NUAK2: variants seen among roughly 807,000 people sequenced by gnomAD.
NUAK2 encodes the protein NUAK family SNF1-like kinase 2.
In NUAK2, 20 loss-of-function variants were observed where a neutral mutation model predicts 29.8. That is an observed-to-expected ratio of 0.67 (90% confidence interval 0.47 to 0.98). The LOEUF is 0.98. NUAK2 is among the 50% of genes least tolerant of loss of function. The pLI, the probability that NUAK2 is intolerant of heterozygous loss-of-function variation, is 0.00. For synonymous variants in NUAK2, 331 were observed against 342.6 expected, an observed-to-expected ratio of 0.97 and a Z score of 0.37; for missense variants, 719 against 834.5, an observed-to-expected ratio of 0.86 and a Z score of 1.71.
At position 205,308,773 on chromosome 1, in the gene NUAK2, T is replaced by C; in HGVS notation, c.353-41A>G. ...CAAGGAACGTCAGGCCCTCCCAGAG[T>C]GCACTGCTCTCCACTGGGGGTGACT... On this transcript the variant is annotated intron_variant, in intron 2 of 6. Coordinates refer to ENST00000367157, the MANE Select transcript of NUAK2 (RefSeq NM_030952.3). This position sits in a 1 kb window ranked among gnomAD's most constrained non-coding sequence, Gnocchi z 4.1. The C allele has an allele frequency of 1.2e-6, 2 of 1,605,522 alleles. No homozygotes were observed. The highest frequency in any genetic ancestry group is 1.3e-5 in the African/African-American group (1 of 74,808).
intron 4 of NUAK2, among the ~76,000 whole-genome samples, chr1:205,306,792 T>C (rs1357800368): frequency 1.3e-5 from 2 of 151,998 alleles, no homozygotes; most frequent in African/African-American, 4.8e-5. Context: ...TCTAATGATG[T>C]TTAGTGATGG....
chr1:205,321,550 G>A lies in NUAK2; in HGVS notation c.79C>T (p.Leu27=). 6.2e-7 allele frequency: 1 copy of A among 1,613,768 alleles called. No individual in the cohort carries two copies. Among genetic ancestry groups the A allele is most frequent in the Non-Finnish European group, 8.5e-7 (1 of 1,179,900 alleles). ...ATTAGGGGCTTGGGCGACTTGATCA[G>A]CCCTTCCGCCAGCGGCCGGGCTAGC... is the stretch of plus-strand genomic sequence containing the variant. ...AELARPLAEG[L]IKSPKPLMKK... Residue 27 remains leucine (L), a synonymous_variant, in exon 1 of 7, where the codon CTG becomes TTG. Transcript: ENST00000367157.
intron 1 of NUAK2, among the ~76,000 whole-genome samples, chr1:205,319,224 G>T (rs1313464075): frequency 6.6e-6 from 1 of 152,216 alleles, no homozygotes; most frequent in Non-Finnish European, 1.5e-5. Flanking sequence ...GAACTGGGTG[G>T]TCTATGGATC....
Position 205,303,314 on chromosome 1 carries a change from A to G in NUAK2, c.*136T>C, listed in dbSNP as rs929403009. ...CTACTTCCCATATCCAGCCCTGCTC[A>G]GGGCTCCACTGCAAACCCTCTCAGC... On this transcript the variant is annotated 3_prime_UTR_variant, in exon 7 of 7. Coordinates refer to ENST00000367157, the MANE Select transcript of NUAK2 (RefSeq NM_030952.3). The G allele has an allele frequency of 5.8e-6, 4 of 687,098 alleles. No individual in the cohort carries two copies. The highest frequency in any genetic ancestry group is 9.4e-6 in the Non-Finnish European group (4 of 427,400). 42.6% of individuals were successfully genotyped at this position (687,098 alleles called of 1,614,324 possible).
At position 205,321,502 on chromosome 1, in the gene NUAK2, G is replaced by T. The variant is rs760370614; in HGVS notation, c.127C>A (p.His43Asn). Residue 43 changes from histidine (H) to asparagine (N), a missense_variant, in exon 1 of 7, where the codon CAC (histidine) becomes AAC (asparagine). His to Asn is a moderately conservative substitution (Grantham distance 68). Around this residue, in one of 3 missense-constraint regions of NUAK2, gnomAD observed 283 missense variants for 345.6 expected, o/e 0.82. Coordinates refer to ENST00000367157, the MANE Select transcript of NUAK2 (RefSeq NM_030952.3). ...PLMKKQAVKR[H>N]HHKHNLRHRY... is the part of the protein sequence containing the mutation. ...TGCCGCAGGTTGTGCTTGTGGTGGT[G>T]CCGCTTCACCGCCTGCTTCTTCATT... 22 of 1,613,896 alleles carry T rather than the reference G, an allele frequency of 1.4e-5. No homozygotes were observed. Among genetic ancestry groups the T allele is most frequent in the South Asian group, 2.2e-5 (2 of 91,082 alleles).
At position 205,303,781 on chromosome 1, in the gene NUAK2, G is replaced by A. The variant is rs749927931; in HGVS notation, c.1556C>T (p.Thr519Ile). The change falls in exon 7 of 7, where the codon ACC (threonine) becomes ATC (isoleucine). Residue 519 changes from threonine (T) to isoleucine (I), a missense_variant. Physicochemically the swap from Thr to Ile is moderately conservative, Grantham distance 89. This residue lies in a region of NUAK2 where 430 missense variants were observed against 465.7 expected (regional missense o/e 0.92). Transcript: ENST00000367157. Reference protein sequence around the residue: ...SQTALELAAPTTFGSLDELAP... With the variant: ...SQTALELAAPITFGSLDELAP... ...GAGTTCATCCAGGGAGCCGAAGGTG[G>A]TGGGGGCCGCGAGCTCCAAGGCTGT... The A allele has an allele frequency of 6.4e-6, 10 of 1,560,186 alleles. No homozygotes were observed. The highest frequency in any genetic ancestry group is 2.4e-5 in the South Asian group (2 of 81,844).
rs1231978677 is a variant in NUAK2 at position 205,305,232 on chromosome 1, T to C, written c.790A>G (p.Asn264Asp). The change falls in exon 6 of 7, where the codon AAC (asparagine) becomes GAC (aspartate). Residue 264 changes from asparagine (N) to aspartate (D), a missense_variant. Coordinates refer to ENST00000367157, the MANE Select transcript of NUAK2 (RefSeq NM_030952.3). The stretch of plus-strand genomic sequence containing the variant: ...TTAGGTGGCTCCCGGTAGGCCCCGT[T>C]GCTGATCTGTTTCACTAGGATCTTA... ...DHKILVKQISNGAYREPPKPS... is the reference protein window; with the variant it reads ...DHKILVKQISDGAYREPPKPS... The C allele has an allele frequency of 6.2e-7, 1 of 1,614,092 alleles. No homozygotes were observed. The highest frequency in any genetic ancestry group is 1.7e-5 in the Admixed American group (1 of 60,006).
chr1:205,314,512 T>A (rs1445591181), intron 1 of NUAK2, among the ~76,000 whole-genome samples: 1 of 152,216 alleles, frequency 6.6e-6, no homozygotes, highest in Non-Finnish European at 1.5e-5. Context: ...TGAATCCTCC[T>A]TTAACTAGGA....
In NUAK2 at chr1:205,303,201, G is replaced by A. The variant is rs569713665; in HGVS notation, c.*249C>T. The A allele has an allele frequency of 3.5e-5, 12 of 343,212 alleles. No individual in the cohort carries two copies. In the South Asian group the frequency reaches 6.3e-4, roughly 18 times the overall value. 21.3% of individuals were successfully genotyped at this position (343,212 alleles called of 1,614,324 possible). A position where few individuals can be genotyped will look rare whatever the true frequency, so the allele number is the denominator to read the frequency against. ...AGAAACAGGCAATGTGGACTCTGTC[G>A]CGGGCATTCCCGTTCCCCTCTCTTT... On this transcript the variant is annotated 3_prime_UTR_variant, in exon 7 of 7. Transcript: ENST00000367157.
Position 205,321,660 on chromosome 1 carries a change from GA to G in NUAK2, c.-33del, listed in dbSNP as rs773260584. ...CAGGAGGTGAGCAAGGGCGGCAGGG[GA>G]ATCAGTAGGCTGTGCGGGGAGGGCT... On this transcript the variant is annotated 5_prime_UTR_variant, in exon 1 of 7. Coordinates refer to ENST00000367157, the MANE Select transcript of NUAK2 (RefSeq NM_030952.3). 27 of 1,575,800 alleles carry G rather than the reference GA, an allele frequency of 1.7e-5. No individual in the cohort carries two copies. The Middle Eastern group carries it at 6.6e-4, about 39-fold the overall frequency.
intron 2 of NUAK2, among the ~76,000 whole-genome samples, chr1:205,309,618 G>A (rs999916028): frequency 2.6e-5 from 4 of 152,178 alleles, no homozygotes; most frequent in Admixed American, 6.5e-5. Context: ...GAGCCACCGC[G>A]CCTGGCCACA....
rs947257247 is a variant in NUAK2, at chr1:205,308,305, G to A, written c.505-75C>T. On this transcript the variant is annotated intron_variant, in intron 3 of 6. Transcript: ENST00000367157. This position sits in a 1 kb window ranked among gnomAD's most constrained non-coding sequence, Gnocchi z 4.1. ...TGATGAGGGGCCCAGTCTGGAGACT[G>A]AGGTAAACACAAAGGGAGCCAAGTG... The A allele has an allele frequency of 1.4e-4, 162 of 1,161,702 alleles. 1 individual carries two copies. In the South Asian group the frequency reaches 2.3e-3, roughly 16 times the overall value. The allele number at this position is 1,161,702 out of a possible 1,614,324, so 72.0% of individuals were successfully genotyped here.
intron 2 of NUAK2, among the ~76,000 whole-genome samples, chr1:205,310,574 T>C (rs1662243332): frequency 6.6e-6 from 1 of 151,966 alleles, no homozygotes; most frequent in African/African-American, 2.4e-5. Context: ...TAAGGCACAA[T>C]TCACACACAC....
intron 5 of NUAK2, 80 bp from the exon 6 acceptor site, chr1:205,305,411 C>A (rs1305111987): frequency 1.4e-5 from 22 of 1,537,700 alleles, no homozygotes; most frequent in Non-Finnish European, 1.8e-5. Context: ...CAGAGGCCAG[C>A]ACACCTGAGG....
intron 1 of NUAK2, 117 bp from the exon 2 acceptor site, chr1:205,311,942 G>T: frequency 7.6e-7 from 1 of 1,318,694 alleles, no homozygotes; most frequent in Non-Finnish European, 1.1e-6. Flanking sequence ...ACCCATAGAA[G>T]CCACTCCATC....
chr1:205,321,466 A>T lies in NUAK2; in HGVS notation c.163T>A (p.Phe55Ile), dbSNP rs761609957. 4 of 1,613,844 alleles carry T rather than the reference A, an allele frequency of 2.5e-6. No individual in the cohort carries two copies. The highest frequency in any genetic ancestry group is 1.7e-5 in the Admixed American group (1 of 60,010). Residue 55 changes from phenylalanine to isoleucine, a missense_variant, in exon 1 of 7, where the codon TTC becomes ATC. Coordinates refer to ENST00000367157, the MANE Select transcript of NUAK2 (RefSeq NM_030952.3). ...GTGCCTTTGCCCAGGGTCTCCAGGA[A>T]CTCGTAGCGGTGCCGCAGGTTGTGC... ...HKHNLRHRYE[F>I]LETLGKGTYG...
intron 1 of NUAK2, among the ~76,000 whole-genome samples, chr1:205,320,770 A>C (rs958370100): frequency 6.6e-6 from 1 of 152,192 alleles, no homozygotes; most frequent in Admixed American, 6.5e-5. Flanking sequence ...TGTTCTTGAA[A>C]AGGCCCCCAA....
At position 205,302,248 on chromosome 1, in the gene NUAK2, C is replaced by T. The variant is rs973902869; in HGVS notation, c.*1202G>A. 1 of 152,638 alleles carries T rather than the reference C, an allele frequency of 6.6e-6. No individual in the cohort carries two copies. The highest frequency in any genetic ancestry group is 2.1e-4 in the South Asian group (1 of 4,834). 9.5% of individuals were successfully genotyped at this position (152,638 alleles called of 1,614,324 possible). A position where few individuals can be genotyped will look rare whatever the true frequency, so the allele number is the denominator to read the frequency against. On this transcript the variant is annotated 3_prime_UTR_variant, in exon 7 of 7. Transcript: ENST00000367157. ...GATGTCATAGTGGATTTTCCCAGAACATAGCATTCACATTATTGAAAACAG... is the reference window on the plus strand; with the variant it reads ...GATGTCATAGTGGATTTTCCCAGAATATAGCATTCACATTATTGAAAACAG...
intron 1 of NUAK2, among the ~76,000 whole-genome samples, chr1:205,316,864 C>T (rs1662335137): frequency 6.6e-6 from 1 of 152,154 alleles, no homozygotes; most frequent in Non-Finnish European, 1.5e-5. Context: ...GGGTTAATTC[C>T]TCATTCTATT....
Sources: gnomAD v4.1 joint callset for allele counts (sites outside exome capture counted in the v4.1 genomes callset) on GRCh38, gnomAD v4.1.1 for gene constraint, gnomAD v4.1.1 regional missense constraint, Gnocchi (gnomAD v3.1) non-coding constraint, MANE v1.5 for transcripts, NCBI Gene and HGNC (gene_info 2026-07-23, HGNC 2026-07-21) for gene names.